Variants in PRSS23 observed in about 807,000 individuals in gnomAD.
PRSS23 encodes protease, serine 23.
In PRSS23, 25 loss-of-function variants were observed where a neutral mutation model predicts 34.7. The ratio of observed to expected loss-of-function variants is 0.72; its 90% CI spans 0.53 to 1.01. PRSS23 has a LOEUF of 1.01. Among genes scored for constraint, PRSS23 ranks in the 50% least tolerant of loss-of-function variants. The pLI is 0.00. For missense variants in PRSS23, 445 were observed against 475.6 expected (o/e 0.94, Z 0.60); for synonymous variants, 176 against 186.6 (o/e 0.94, Z 0.46).
chr11:86,823,307 G>C (rs1287791962), intron 1 of PRSS23: 4 of 685,152 alleles, frequency 5.8e-6, no homozygotes, highest in Non-Finnish European at 1.1e-5. Context: ...CCGAGATGTA[G>C]AATAGCTAAC....
intron 2 of PRSS23, chr11:86,910,641 T>C (rs910793022): frequency 2.0e-5 from 3 of 152,198 alleles, no homozygotes; most frequent in Admixed American, 6.5e-5. Flanking sequence ...AAAGCCTTCC[T>C]TGAAGTGCCC....
At chr11:86,816,916 T>C (rs17212012) in intron 1 of PRSS23, among the ~76,000 whole-genome samples, 20,699 of 152,254 alleles carry the variant, frequency 0.14, 1,876 homozygotes, top group East Asian at 0.42. Flanking sequence ...TCTGAGGTCT[T>C]GAAAATTGTA....
chr11:86,794,535 T>C (rs1388813959), intron 1 of PRSS23, among the ~76,000 whole-genome samples: 1 of 152,224 alleles, frequency 6.6e-6, no homozygotes, highest in Non-Finnish European at 1.5e-5. Context: ...TCCTACCATA[T>C]GTACCAATAT....
At chr11:86,870,949 CTT>C (rs1948680691) in intron 2 of PRSS23, among the ~76,000 whole-genome samples, 1 of 152,166 alleles carries the variant, frequency 6.6e-6, no homozygotes, top group Admixed American at 6.6e-5. Context: ...GTTTTAAAGT[CTT>C]TGTCTGCTAA....
At chr11:86,840,623 A>G (rs1327846156) in intron 2 of PRSS23, among the ~76,000 whole-genome samples, 1 of 152,238 alleles carries the variant, frequency 6.6e-6, no homozygotes, top group East Asian at 1.9e-4. Context: ...ATAGACATCT[A>G]CAGAACTCTC....
At chr11:86,879,321 G>T (rs1459292549) in intron 2 of PRSS23, among the ~76,000 whole-genome samples, 1 of 147,326 alleles carries the variant, frequency 6.8e-6, no homozygotes, top group East Asian at 2.1e-4. Flanking sequence ...CGCCCCGTCT[G>T]AGAAGTGAGG....
intron 2 of PRSS23, among the ~76,000 whole-genome samples, chr11:86,827,240 G>C (rs919710670): frequency 6.6e-6 from 1 of 152,164 alleles, no homozygotes. Flanking sequence ...ATGCATCGAG[G>C]AATTTATCCA....
chr11:86,795,590 C>G (rs946604041), upstream of PRSS23, among the ~76,000 whole-genome samples: 2 of 152,190 alleles, frequency 1.3e-5, no homozygotes, highest in Non-Finnish European at 2.9e-5. Context: ...AGCAGGTTAT[C>G]TAGGTTCTCT....
chr11:86,795,468 C>A (rs1947974984), intron 1 of PRSS23, among the ~76,000 whole-genome samples: 1 of 152,236 alleles, frequency 6.6e-6, no homozygotes, highest in African/African-American at 2.4e-5. Flanking sequence ...AATTTCACAT[C>A]CTTTGCTACT....
At chr11:86,826,049 G>A (rs1192834111) in intron 2 of PRSS23, among the ~76,000 whole-genome samples, 1 of 152,120 alleles carries the variant, frequency 6.6e-6, no homozygotes, top group Non-Finnish European at 1.5e-5. Flanking sequence ...GGATGGCATT[G>A]AATCTATAAA....
chr11:86,867,351 A>C (rs1424568941), intron 2 of PRSS23, among the ~76,000 whole-genome samples: 2 of 152,184 alleles, frequency 1.3e-5, no homozygotes, highest in Non-Finnish European at 2.9e-5. Context: ...AGGCTCTATC[A>C]GGGCTGATTT....
intron 1 of PRSS23, chr11:86,821,803 T>C (rs1590878276): frequency 3.8e-6 from 3 of 794,418 alleles, no homozygotes; most frequent in Non-Finnish European, 6.1e-6. Flanking sequence ...CGCTGCCCCC[T>C]CCGCCATGAC....
At chr11:86,919,831 C>T (rs938320138) in intron 2 of PRSS23, among the ~76,000 whole-genome samples, 1 of 152,150 alleles carries the variant, frequency 6.6e-6, no homozygotes, top group African/African-American at 2.4e-5. Context: ...TTTAAGGGAG[C>T]CAAGGGTATC....
At position 86,951,039 on chromosome 11, in the gene PRSS23, T is replaced by G; in HGVS notation, c.207-177T>G. 1.6e-6 allele frequency: 2 copies of G among 1,257,744 alleles called. 1 individual carries two copies. Among genetic ancestry groups the G allele is most frequent in the Non-Finnish European group, 2.3e-6 (2 of 858,564 alleles). The allele number at this position is 1,257,744 out of a possible 1,614,324, so 77.9% of individuals were successfully genotyped here. A position where few individuals can be genotyped will look rare whatever the true frequency, so the allele number is the denominator to read the frequency against. ...CGGGGGTCACTTAATTGTTGCTAGT[T>G]TGTTCAAACTGAGATTCACTGCATA... On this transcript the variant is annotated intron_variant, in intron 2 of 2. Transcript: ENST00000533902.
chr11:86,808,040 T>C lies in PRSS23; in HGVS notation c.397T>C (p.Tyr133His), dbSNP rs755468115. 1.2e-6 allele frequency: 2 copies of C among 1,613,944 alleles called. No individual in the cohort carries two copies. Among genetic ancestry groups the C allele is most frequent in the Non-Finnish European group, 1.7e-6 (2 of 1,180,012 alleles). The change falls in exon 2 of 2, where the codon TAT (tyrosine) becomes CAT (histidine). Residue 133 changes from tyrosine (Y) to histidine (H), a missense_variant. Coordinates refer to ENST00000280258, the MANE Select transcript of PRSS23 (RefSeq NM_007173.6). ...KSRRKRQIYG[Y>H]DSRFSIFGKD... ...TCGAAGGAAGCGGCAGATTTATGGCTATGACAGCAGGTTCAGCATTTTTGG... is the reference window on the plus strand; with the variant it reads ...TCGAAGGAAGCGGCAGATTTATGGCCATGACAGCAGGTTCAGCATTTTTGG...
rs149439432 is a variant in PRSS23, at chr11:86,855,350, C to T, written c.206+31757C>T. 3.7e-3 allele frequency among the ~76,000 whole-genome samples: 569 copies of T among 152,240 alleles called. 4 individuals are homozygous for T. Among genetic ancestry groups the T allele is most frequent in the Non-Finnish European group, 5.9e-3 (399 of 68,012 alleles). On this transcript the variant is annotated intron_variant, in intron 2 of 2. Coordinates refer to the PRSS23 transcript ENST00000533902. ...ATAAATTCCTGTGAACTAAAATTTC[C>T]CTACTGTACTGTCAAACAGTCGAAC... is the stretch of plus-strand genomic sequence containing the variant.
At chr11:86,922,599 A>G (rs1243531064) in intron 2 of PRSS23, among the ~76,000 whole-genome samples, 1 of 152,266 alleles carries the variant, frequency 6.6e-6, no homozygotes, top group Non-Finnish European at 1.5e-5. Context: ...GTAGTAGCTC[A>G]GTAAAAATAA....
At chr11:86,885,305 G>C (rs1948795638) in intron 2 of PRSS23, among the ~76,000 whole-genome samples, 1 of 152,172 alleles carries the variant, frequency 6.6e-6, no homozygotes, top group Non-Finnish European at 1.5e-5. Flanking sequence ...CACTGTGATG[G>C]AATAATATTA....
chr11:86,799,884 G>A (rs534685898), upstream of PRSS23, among the ~76,000 whole-genome samples: 9 of 152,348 alleles, frequency 5.9e-5, no homozygotes, highest in Non-Finnish European at 4.4e-5. Flanking sequence ...GCACAGCACT[G>A]AGTGCTGTAA....
Sources: gnomAD v4.1 joint callset for allele counts (sites outside exome capture counted in the v4.1 genomes callset) on GRCh38, gnomAD v4.1.1 for gene constraint, MANE v1.5 for transcripts, NCBI Gene and HGNC (gene_info 2026-07-23, HGNC 2026-07-21) for gene names.